The following ACYP2 variants were observed in gnomAD, a reference collection of about 807,000 sequenced individuals.
ACYP2 encodes acylphosphatase-2.
Under a neutral mutation model 11.2 loss-of-function variants are expected in ACYP2, and 12 were observed. The ratio of observed to expected loss-of-function variants is 1.08; its 90% CI spans 0.69 to 1.74. The LOEUF (loss-of-function observed/expected upper bound fraction) is 1.74, where lower values mean the gene tolerates loss of function less well. Ranked by LOEUF, ACYP2 falls within the 40% of genes most tolerant of loss-of-function variation. ACYP2 has a pLI of 0.00. For synonymous variants in ACYP2, 43 were observed against 32.2 expected, an observed-to-expected ratio of 1.33 and a Z score of -1.13; for missense variants, 134 against 101.9, an observed-to-expected ratio of 1.31 and a Z score of -1.35.
chr2:54,152,136 T>TTTTTA (rs1682205603), intron 6 of ACYP2, among the ~76,000 whole-genome samples: 2 of 143,816 alleles, frequency 1.4e-5, no homozygotes, highest in African/African-American at 2.7e-5. Flanking sequence ...TTTTTTTTTT[T>TTTTTA]GAGGCAGAGT....
chr2:54,112,227 A>G (rs1201325665), intron 4 of ACYP2, among the ~76,000 whole-genome samples: 1 of 152,234 alleles, frequency 6.6e-6, no homozygotes, highest in East Asian at 1.9e-4. Flanking sequence ...AAAGGGTTCA[A>G]AGAAGGGAAT....
chr2:54,064,044 C>T (rs754793172), intron 4 of ACYP2, among the ~76,000 whole-genome samples: 11 of 152,118 alleles, frequency 7.2e-5, no homozygotes, highest in African/African-American at 2.4e-4. Context: ...GACGGGGTCT[C>T]GCTATTGTTG....
intron 6 of ACYP2, among the ~76,000 whole-genome samples, chr2:54,265,472 G>A (rs1216270599): frequency 1.3e-5 from 2 of 152,180 alleles, no homozygotes; most frequent in African/African-American, 4.8e-5. Context: ...TGAGATATGG[G>A]TGGGGACACA....
At chr2:54,268,240 C>A (rs919034941) in intron 6 of ACYP2, among the ~76,000 whole-genome samples, 13 of 152,258 alleles carry the variant, frequency 8.5e-5, no homozygotes, top group Middle Eastern at 3.4e-3. Context: ...TGGTTTTGAT[C>A]ATTTGACAGA....
chr2:54,103,150 A>G (rs977599280), intron 4 of ACYP2, among the ~76,000 whole-genome samples: 1 of 150,098 alleles, frequency 6.7e-6, no homozygotes, highest in South Asian at 2.1e-4. Flanking sequence ...CCAGCAAAAG[A>G]AAAAATTTAT....
rs190334534 is a variant in ACYP2, at chr2:54,001,375, A to T, written c.62+27565A>T. Among the ~76,000 whole-genome samples, 237 of 152,296 alleles carry T rather than the reference A, an allele frequency of 1.6e-3. 1 individual carries two copies. The highest frequency in any genetic ancestry group is 5.2e-3 in the African/African-American group (218 of 41,570). ...ATAGTGAGACCTCGTCTCTAAAAAA[A>T]AATAACAAATTTAAAAATATGTATT... On this transcript the variant is annotated intron_variant, in intron 2 of 6. Coordinates refer to ENST00000607452, the MANE Select transcript of ACYP2 (RefSeq NM_001320586.2).
intron 6 of ACYP2, among the ~76,000 whole-genome samples, chr2:54,244,362 C>G (rs187493431): frequency 6.6e-6 from 1 of 152,102 alleles, no homozygotes; most frequent in Non-Finnish European, 1.5e-5. Flanking sequence ...CCACCACACC[C>G]GGCTAATTTT....
Position 54,212,576 on chromosome 2 carries a change from G to T in ACYP2, c.404+73828G>T, listed in dbSNP as rs528954349. 4.6e-5 allele frequency among the ~76,000 whole-genome samples: 7 copies of T among 152,236 alleles called. No individual in the cohort carries two copies. The East Asian group carries it at 1.2e-3, about 25-fold the overall frequency. ...CAAAACAGGAGTTACCATATCCAAT[G>T]AATACAAAGAAAATGGCTTAATTTC... On this transcript the variant is annotated intron_variant, in intron 6 of 6. Coordinates refer to ENST00000607452, the MANE Select transcript of ACYP2 (RefSeq NM_001320586.2).
intron 2 of ACYP2, among the ~76,000 whole-genome samples, chr2:53,998,011 T>TA (rs1175939257): frequency 7.9e-5 from 12 of 152,164 alleles, no homozygotes; most frequent in Admixed American, 3.3e-4. Flanking sequence ...TTGAAATGTA[T>TA]AAAAAAACTT....
intron 6 of ACYP2, among the ~76,000 whole-genome samples, chr2:54,190,662 G>C (rs1684202171): frequency 6.6e-6 from 1 of 151,940 alleles, no homozygotes. Flanking sequence ...TTTCTGGATA[G>C]GCTGGAGTCC....
chr2:54,247,775 C>A (rs1687027514), intron 6 of ACYP2, among the ~76,000 whole-genome samples: 1 of 152,186 alleles, frequency 6.6e-6, no homozygotes, highest in Non-Finnish European at 1.5e-5. Flanking sequence ...GATAGTATTT[C>A]TGTCCATATG....
intron 6 of ACYP2, among the ~76,000 whole-genome samples, chr2:54,163,056 C>T (rs965647251): frequency 2.6e-5 from 4 of 152,164 alleles, no homozygotes; most frequent in Non-Finnish European, 5.9e-5. Flanking sequence ...TTTCAAATCA[C>T]CCAGGGCTTT....
At position 54,186,231 on chromosome 2, in the gene ACYP2, A is replaced by G. The variant is rs1437331461; in HGVS notation, c.404+47483A>G. Among the ~76,000 whole-genome samples the G allele has an allele frequency of 2.0e-5, 3 of 152,318 alleles. No homozygotes were observed. The East Asian group carries it at 5.8e-4, about 29-fold the overall frequency. ...TTTAAAATGTTGAATTTTATGTTAC[A>G]TATGAAATTCACCTCAACTTTTAGA... On this transcript the variant is annotated intron_variant, in intron 6 of 6. Transcript: ENST00000607452.
At chr2:54,201,634 TTCTC>T (rs375404647) in intron 6 of ACYP2, among the ~76,000 whole-genome samples, 28 of 64,864 alleles carry the variant, frequency 4.3e-4, no homozygotes, top group South Asian at 5.8e-4. Context: ...GTTTCTTTCT[TTCTC>T]TTTCTTTCTT....
intron 2 of ACYP2, among the ~76,000 whole-genome samples, chr2:53,984,203 CAA>C (rs1318055852): frequency 1.3e-5 from 2 of 152,146 alleles, no homozygotes; most frequent in Non-Finnish European, 2.9e-5. Flanking sequence ...CAATTAGGAA[CAA>C]GAGCTAATTT....
At chr2:54,063,060 G>T (rs181962275) in intron 4 of ACYP2, among the ~76,000 whole-genome samples, 12 of 152,232 alleles carry the variant, frequency 7.9e-5, no homozygotes, top group Non-Finnish European at 1.6e-4. Context: ...GGGAACAATG[G>T]TAAGCACAGA....
chr2:53,989,447 A>G (rs1379738433), intron 2 of ACYP2, among the ~76,000 whole-genome samples: 1 of 152,168 alleles, frequency 6.6e-6, no homozygotes, highest in African/African-American at 2.4e-5. Context: ...CAGTTCTTTT[A>G]GGGCATAGTC....
At chr2:54,105,271 A>C (rs1679095949) in intron 4 of ACYP2, among the ~76,000 whole-genome samples, 2 of 152,046 alleles carry the variant, frequency 1.3e-5, no homozygotes, top group African/African-American at 2.4e-5. Context: ...CATATTTTAT[A>C]ATGCAGCAGC....
At chr2:54,133,284 G>A (rs1006947871) in intron 4 of ACYP2, among the ~76,000 whole-genome samples, 5 of 152,160 alleles carry the variant, frequency 3.3e-5, no homozygotes, top group African/African-American at 7.2e-5. Flanking sequence ...TGATTCATAC[G>A]TGTTGTTGCT....
Sources: allele counts gnomAD v4.1 joint callset (sites outside exome capture counted in the v4.1 genomes callset), GRCh38; gene constraint gnomAD v4.1.1; transcripts MANE v1.5; gene names NCBI Gene and HGNC (gene_info 2026-07-23, HGNC 2026-07-21).